DAAM2: variants seen among roughly 807,000 people sequenced by gnomAD.
The protein encoded by DAAM2 is dishevelled associated activator of morphogenesis 2, also known as disheveled-associated activator of morphogenesis 2.
Under a neutral mutation model 120.7 loss-of-function variants are expected in DAAM2, and 39 were observed. That is an observed-to-expected ratio of 0.32 (90% confidence interval 0.25 to 0.42). The LOEUF is 0.42. DAAM2 is among the 10% of genes least tolerant of loss of function. DAAM2 has a pLI of 1.00. For synonymous variants in DAAM2, 488 were observed against 524.9 expected, an observed-to-expected ratio of 0.93 and a Z score of 0.96; for missense variants, 1,283 against 1,401.7, an observed-to-expected ratio of 0.92 and a Z score of 1.35.
chr6:39,904,431 T>C lies in DAAM2; in HGVS notation c.*2394T>C. ...GGTGGCTGAGCTGGTCCTTAATAGG[T>C]TGTTTCTTGGTCTTGCTTTCTTCAT... is the stretch of plus-strand genomic sequence containing the variant. On this transcript the variant is annotated 3_prime_UTR_variant, in exon 25 of 25. Transcript: ENST00000274867. 2.2e-6 allele frequency: 1 copy of C among 454,786 alleles called. No homozygotes were observed. The highest frequency in any genetic ancestry group is 1.6e-5 in the South Asian group (1 of 64,490). The allele number at this position is 454,786 out of a possible 1,614,324, so 28.2% of individuals were successfully genotyped here.
intron 1 of DAAM2, among the ~76,000 whole-genome samples, chr6:39,853,695 G>A (rs1041312106): frequency 6.6e-6 from 1 of 152,178 alleles, no homozygotes; most frequent in South Asian, 2.1e-4. Flanking sequence ...GGCTGGGGAA[G>A]TAAAGGCAGA....
chr6:39,861,244 G>A, intron 3 of DAAM2: 1 of 597,024 alleles, frequency 1.7e-6, no homozygotes, highest in Non-Finnish European at 3.1e-6. Context: ...AGCAGGACCT[G>A]CTGCATCCCA....
rs768504242 is a variant in DAAM2, at chr6:39,878,586, T to A, written c.1543T>A (p.Ser515Thr). 2 of 1,601,774 alleles carry A rather than the reference T, an allele frequency of 1.2e-6. No homozygotes were observed. Among genetic ancestry groups the A allele is most frequent in the African/African-American group, 1.3e-5 (1 of 74,548 alleles). ...GCTGGTAGCCCAGCTCAGTGAACTC[T>A]CAGTATGCAAGCATCTCCCCCTTTA... is the stretch of plus-strand genomic sequence containing the variant. ...AELVAQLSEL[S>T]TGPVSSPPPP... Residue 515 changes from serine to threonine, a missense_variant and splice_region_variant, in exon 13 of 25, where the codon TCA becomes ACA. This residue lies in a region of DAAM2 where 748 missense variants were observed against 768.6 expected (regional missense o/e 0.97). Transcript: ENST00000274867. The surrounding 1 kb of genome is among the most constrained non-coding windows in gnomAD (Gnocchi z 5.0).
At chr6:39,886,343 A>T (rs1000578914) in intron 15 of DAAM2, 5 of 399,026 alleles carry the variant, frequency 1.3e-5, no homozygotes, top group African/African-American at 2.1e-5. Context: ...TGTGTCTGTC[A>T]TGCTATTTCT....
intron 1 of DAAM2, among the ~76,000 whole-genome samples, chr6:39,803,152 G>A (rs1461647070): frequency 6.6e-6 from 1 of 152,162 alleles, no homozygotes; most frequent in Non-Finnish European, 1.5e-5. Flanking sequence ...GTGAACATTT[G>A]TGCACTTTTA....
intron 1 of DAAM2, among the ~76,000 whole-genome samples, chr6:39,799,608 T>C (rs191093770): frequency 1.3e-5 from 2 of 152,180 alleles, no homozygotes; most frequent in African/African-American, 4.8e-5. Flanking sequence ...AAATGAACGA[T>C]TGGGAGCTGC....
At chr6:39,900,488 A>G (rs995682158) in intron 23 of DAAM2, among the ~76,000 whole-genome samples, 18 of 152,240 alleles carry the variant, frequency 1.2e-4, no homozygotes, top group African/African-American at 4.3e-4. Context: ...CTTGACAGAT[A>G]TGAACGCTAA....
At chr6:39,801,858 C>T (rs2114008133) in intron 1 of DAAM2, among the ~76,000 whole-genome samples, 1 of 152,310 alleles carries the variant, frequency 6.6e-6, no homozygotes, top group South Asian at 2.1e-4. Context: ...ACCAAAGCCC[C>T]CTGCCTCCAA....
chr6:39,864,854 C>T (rs2149301683), intron 4 of DAAM2, 126 bp from the exon 5 acceptor site: 1 of 1,181,622 alleles, frequency 8.5e-7, no homozygotes, highest in Non-Finnish European at 1.2e-6. Context: ...GGCCGACACT[C>T]GGTCTCAGTA....
intron 1 of DAAM2, among the ~76,000 whole-genome samples, chr6:39,843,101 T>C (rs542752497): frequency 1.3e-5 from 2 of 152,308 alleles, no homozygotes; most frequent in South Asian, 2.1e-4. Context: ...AAAAACTTTA[T>C]TTTTTAAATT....
At position 39,838,306 on chromosome 6, in the gene DAAM2, G is replaced by A. The variant is rs935431703; in HGVS notation, c.-56-17941G>A. Among the ~76,000 whole-genome samples the A allele has an allele frequency of 5.3e-5, 8 of 152,338 alleles. No homozygotes were observed. In the South Asian group the frequency reaches 1.0e-3, roughly 20 times the overall value. On this transcript the variant is annotated intron_variant, in intron 1 of 24. Transcript: ENST00000274867. ...GAGGTGCATGGCCCATAGAAGAAAC[G>A]TGGATAAATTGTAGATGTGGATTAT...
At chr6:39,894,440 GA>G (rs1765942974) in intron 19 of DAAM2, among the ~76,000 whole-genome samples, 1 of 151,948 alleles carries the variant, frequency 6.6e-6, no homozygotes. Context: ...CCTACTTGAA[GA>G]ATTAAAAAAG....
chr6:39,896,710 A>G (rs1426621560), intron 19 of DAAM2, 102 bp from the exon 20 acceptor site: 4 of 1,017,748 alleles, frequency 3.9e-6, no homozygotes, highest in Non-Finnish European at 5.4e-6. Flanking sequence ...GGCATTTGAC[A>G]GCCCCTTTTC....
chr6:39,882,480 C>T (rs758531305), intron 14 of DAAM2, among the ~76,000 whole-genome samples: 4 of 152,074 alleles, frequency 2.6e-5, no homozygotes, highest in African/African-American at 4.8e-5. Context: ...GGATGGGAAG[C>T]TTTACCTCTG....
Position 39,875,348 on chromosome 6 carries a change from A to G in DAAM2, c.1181A>G (p.Tyr394Cys). ...CCCTCAGACAAACGGAACGGTGGCT[A>G]CTTCCAGCAGTGGCAGCTCCTGGAC... Reference protein sequence around the residue: ...LQMPYKRNGGYFQQWQLLDRI... With the variant: ...LQMPYKRNGGCFQQWQLLDRI... Residue 394 changes from tyrosine to cysteine, a missense_variant, in exon 11 of 25, where the codon TAC becomes TGC. Tyr to Cys is a radical substitution (Grantham distance 194, BLOSUM62 -2). Around this residue, in one of 3 missense-constraint regions of DAAM2, gnomAD observed 338 missense variants for 443.9 expected, o/e 0.76. Transcript: ENST00000274867. 1 of 1,613,894 alleles carries G rather than the reference A, an allele frequency of 6.2e-7. No individual in the cohort carries two copies. The highest frequency in any genetic ancestry group is 2.2e-5 in the East Asian group (1 of 44,876).
chr6:39,846,629 TG>T (rs1763601406), intron 1 of DAAM2, among the ~76,000 whole-genome samples: 1 of 151,840 alleles, frequency 6.6e-6, no homozygotes, highest in Non-Finnish European at 1.5e-5. Flanking sequence ...GAACCCCCGC[TG>T]GGCTACAGTT....
intron 1 of DAAM2, among the ~76,000 whole-genome samples, chr6:39,830,847 C>T (rs946306444): frequency 3.3e-5 from 5 of 152,178 alleles, no homozygotes; most frequent in African/African-American, 7.2e-5. Flanking sequence ...CCCTGCAGTC[C>T]GGACCAGCTT....
intron 1 of DAAM2, among the ~76,000 whole-genome samples, chr6:39,804,554 A>G (rs368397683): frequency 4.0e-5 from 4 of 101,070 alleles, no homozygotes; most frequent in Admixed American, 2.0e-4. Context: ...GTGTGTGTGT[A>G]TGCATGCATG....
chr6:39,860,894 G>C (rs774560625), intron 2 of DAAM2, 34 bp from the exon 3 acceptor site: 24 of 1,541,604 alleles, frequency 1.6e-5, no homozygotes, highest in Non-Finnish European at 1.9e-5. Flanking sequence ...ACCATCCCTA[G>C]TGTCAGACGT....
Sources: gnomAD v4.1 joint callset for allele counts (sites outside exome capture counted in the v4.1 genomes callset) on GRCh38, gnomAD v4.1.1 for gene constraint, gnomAD v4.1.1 regional missense constraint, Gnocchi (gnomAD v3.1) non-coding constraint, MANE v1.5 for transcripts, NCBI Gene and HGNC (gene_info 2026-07-23, HGNC 2026-07-21) for gene names.